The following WAC variants were observed in gnomAD, a reference collection of about 807,000 sequenced individuals.
WAC encodes WW domain containing adaptor with coiled-coil.
In WAC, 11 loss-of-function variants were observed where a neutral mutation model predicts 79.6. The observed-to-expected ratio is 0.14, with a 90% confidence interval of 0.09 to 0.23. WAC has a LOEUF of 0.23. Ranked by LOEUF, WAC falls within the 10% of genes least tolerant of loss-of-function variation. WAC has a pLI of 1.00. For missense variants in WAC, 728 were observed against 773.5 expected, an observed-to-expected ratio of 0.94 and a Z score of 0.70; for synonymous variants, 304 against 276.9, an observed-to-expected ratio of 1.10 and a Z score of -0.97.
At chr10:28,533,769 GGC>G (rs903805939) in intron 1 of WAC, 149 bp downstream of exon 1, 45 of 1,037,468 alleles carry the variant, frequency 4.3e-5, no homozygotes, top group Admixed American at 1.9e-4. Flanking sequence ...CGCGCGGGCG[GGC>G]GGGCGGGAAC....
At chr10:28,612,012 C>CT (rs1212307626) in intron 10 of WAC, 90 bp downstream of exon 10, 15 of 1,483,730 alleles carry the variant, frequency 1.0e-5, no homozygotes, top group Non-Finnish European at 1.4e-5. Context: ...AAAAAGCCCT[C>CT]TGAGAATGAG....
intron 3 of WAC, among the ~76,000 whole-genome samples, chr10:28,570,730 G>T (rs1458559174): frequency 6.6e-6 from 1 of 152,052 alleles, no homozygotes; most frequent in Non-Finnish European, 1.5e-5. Flanking sequence ...ATAATTGTGT[G>T]ATAAGGAAAT....
At position 28,621,113 on chromosome 10, in the gene WAC, C is replaced by G. The variant is rs1841672885; in HGVS notation, c.*1507C>G. ...GCATGAAAAAAATCTTTTCTTCCCC[C>G]ACAAAAAAACCTTTACCATCAAAAT... On this transcript the variant is annotated 3_prime_UTR_variant, in exon 14 of 14. Coordinates refer to ENST00000354911, the MANE Select transcript of WAC (RefSeq NM_016628.5). 1 of 150,956 alleles carries G rather than the reference C, an allele frequency of 6.6e-6. No individual in the cohort carries two copies. The highest frequency in any genetic ancestry group is 6.6e-5 in the Admixed American group (1 of 15,206). 9.4% of individuals were successfully genotyped at this position (150,956 alleles called of 1,614,324 possible).
intron 10 of WAC, among the ~76,000 whole-genome samples, chr10:28,613,723 C>G (rs1408926961): frequency 6.6e-6 from 1 of 152,168 alleles, no homozygotes; most frequent in Non-Finnish European, 1.5e-5. Flanking sequence ...CCTCACCCCA[C>G]CAAAAGAAAA....
intron 5 of WAC, among the ~76,000 whole-genome samples, chr10:28,590,381 A>C (rs1840025390): frequency 6.6e-6 from 1 of 151,968 alleles, no homozygotes; most frequent in Admixed American, 6.5e-5. Context: ...TTGAATAGTC[A>C]GTATAGTTAA....
Position 28,608,313 on chromosome 10 carries a change from A to T in WAC, c.1047A>T (p.Pro349=), listed in dbSNP as rs1326496715. The T allele has an allele frequency of 6.2e-7, 1 of 1,614,060 alleles. No individual in the cohort carries two copies. Among genetic ancestry groups the T allele is most frequent in the Non-Finnish European group, 8.5e-7 (1 of 1,180,034 alleles). ...SASAVPVSPV[P]QSPIPPLLQD... The stretch of plus-strand genomic sequence containing the variant: ...CAGCGGTCCCTGTTTCTCCTGTTCC[A>T]CAGTCGCCAATACCTCCCTTACTTC... The change falls in exon 8 of 14, where the codon CCA becomes CCT. Residue 349 remains proline (P), a synonymous_variant. Transcript: ENST00000354911.
At chr10:28,611,670 G>T (rs1315329490) in intron 9 of WAC, 104 bp from the exon 10 acceptor site, 2 of 1,415,768 alleles carry the variant, frequency 1.4e-6, no homozygotes, top group South Asian at 1.4e-5. Flanking sequence ...GGGGTGGGGG[G>T]GTTTAGAGTA....
chr10:28,545,920 A>G (rs972560485), intron 3 of WAC, among the ~76,000 whole-genome samples: 3 of 152,242 alleles, frequency 2.0e-5, no homozygotes, highest in African/African-American at 4.8e-5. Flanking sequence ...GAGACACTTC[A>G]GTGGTAAATT....
At chr10:28,543,397 CA>C (rs1341889599) in intron 3 of WAC, among the ~76,000 whole-genome samples, 1 of 152,234 alleles carries the variant, frequency 6.6e-6, no homozygotes, top group Non-Finnish European at 1.5e-5. Context: ...ACATACTTTA[CA>C]TTCCCTTTTT....
intron 6 of WAC, among the ~76,000 whole-genome samples, chr10:28,595,009 T>C (rs1018534998): frequency 6.6e-6 from 1 of 152,218 alleles, no homozygotes; most frequent in Admixed American, 6.5e-5. Context: ...AAAGAGGATT[T>C]GTTTTTAATA....
chr10:28,573,543 G>T (rs572997234), intron 3 of WAC, among the ~76,000 whole-genome samples: 1 of 152,182 alleles, frequency 6.6e-6, no homozygotes, highest in African/African-American at 2.4e-5. Context: ...AGCCATAAGA[G>T]AATGTCAGTA....
intron 7 of WAC, among the ~76,000 whole-genome samples, chr10:28,606,669 A>T (rs1294072443): frequency 1.3e-5 from 2 of 152,220 alleles, no homozygotes; most frequent in African/African-American, 4.8e-5. Flanking sequence ...TGTATATATG[A>T]TCTTGAAAAT....
chr10:28,545,865 C>T (rs1199344602), intron 3 of WAC, among the ~76,000 whole-genome samples: 3 of 152,196 alleles, frequency 2.0e-5, no homozygotes, highest in African/African-American at 7.2e-5. Context: ...TACTTAGGTA[C>T]TACATTTCCA....
intron 8 of WAC, among the ~76,000 whole-genome samples, chr10:28,610,176 A>G (rs2132821686): frequency 6.6e-6 from 1 of 151,930 alleles, no homozygotes; most frequent in South Asian, 2.1e-4. Context: ...TAGGCGATCC[A>G]CCTGCCTCAG....
Position 28,617,787 on chromosome 10 carries a change from A to C in WAC, c.1874+3A>C. 1 of 1,579,312 alleles carries C rather than the reference A, an allele frequency of 6.3e-7. No homozygotes were observed. Among genetic ancestry groups the C allele is most frequent in the East Asian group, 2.3e-5 (1 of 44,164 alleles). ...CAAGCAACTTTGCGAGAGCAAAGGT[A>C]AGTCTTTCACTGAAATATATTTTTA... On this transcript the variant is annotated splice_donor_region_variant and intron_variant, in intron 13 of 13. Transcript: ENST00000354911.
intron 3 of WAC, among the ~76,000 whole-genome samples, chr10:28,565,755 T>A (rs1169221331): frequency 6.6e-6 from 1 of 152,228 alleles, no homozygotes. Flanking sequence ...GCTCATAAAA[T>A]AACACAAGCA....
At chr10:28,576,050 G>A (rs912054335) in intron 3 of WAC, among the ~76,000 whole-genome samples, 4 of 152,192 alleles carry the variant, frequency 2.6e-5, no homozygotes, top group Non-Finnish European at 1.5e-5. Context: ...TAGCCAAGGT[G>A]TGTAGTAGAC....
chr10:28,581,860 T>G (rs1179417506), intron 3 of WAC, among the ~76,000 whole-genome samples: 1 of 152,210 alleles, frequency 6.6e-6, no homozygotes, highest in Admixed American at 6.5e-5. Flanking sequence ...TCTTCTTGAT[T>G]CTGTTCATTC....
intron 3 of WAC, among the ~76,000 whole-genome samples, chr10:28,582,489 G>A (rs1489220532): frequency 6.6e-6 from 1 of 151,798 alleles, no homozygotes; most frequent in East Asian, 1.9e-4. Flanking sequence ...ATAATTCCTG[G>A]ACCACTGGAG....
Sources: gnomAD v4.1 joint callset for allele counts (sites outside exome capture counted in the v4.1 genomes callset) on GRCh38, gnomAD v4.1.1 for gene constraint, MANE v1.5 for transcripts, NCBI Gene and HGNC (gene_info 2026-07-23, HGNC 2026-07-21) for gene names.